The following PANK1 variants were observed in gnomAD, a reference collection of about 807,000 sequenced individuals.
PANK1 encodes pantothenate kinase 1.
Under a neutral mutation model 40.1 loss-of-function variants are expected in PANK1, and 18 were observed. The observed-to-expected ratio is 0.45, with a 90% CI of 0.31 to 0.67. PANK1 has a LOEUF of 0.67. Among genes scored for constraint, PANK1 ranks in the 30% least tolerant of loss-of-function variants. The pLI, the probability that PANK1 is intolerant of heterozygous loss-of-function variation, is 0.06. For synonymous variants in PANK1, 242 were observed against 237.7 expected (o/e 1.02, Z -0.17); for missense variants, 457 against 599.6 (o/e 0.76, Z 2.48).
intron 2 of PANK1, among the ~76,000 whole-genome samples, chr10:89,610,161 A>C (rs1589787125): frequency 1.3e-5 from 2 of 152,350 alleles, no homozygotes; most frequent in South Asian, 4.1e-4. Context: ...TCTCACCTCC[A>C]GAGGTCACTT....
At chr10:89,621,085 T>A (rs1160933732) in intron 1 of PANK1, among the ~76,000 whole-genome samples, 1 of 152,220 alleles carries the variant, frequency 6.6e-6, no homozygotes, top group Non-Finnish European at 1.5e-5. Context: ...GTGGATCATC[T>A]GAGGTCAGAA....
intron 2 of PANK1, among the ~76,000 whole-genome samples, 196 bp from the exon 3 acceptor site, chr10:89,599,701 C>T (rs1382897318): frequency 6.6e-6 from 1 of 152,194 alleles, no homozygotes; most frequent in East Asian, 1.9e-4. Flanking sequence ...TACCTGCCCA[C>T]AGTGCATGCT....
chr10:89,644,669 G>A lies in PANK1; in HGVS notation c.223C>T (p.Gln75Ter), dbSNP rs1422880623. Residue 75 changes from glutamine to a stop codon, truncating the protein, a stop_gained, in exon 1 of 7, where the codon CAG (glutamine) becomes TAG (stop). Transcript: ENST00000307534. LOFTEE classifies it high-confidence loss of function. ...PELQPQPLLPQHDSPAKKCRL... is the reference protein window; with the variant it reads ...PELQPQPLLP ...CATTTCTTGGCCGGGGAGTCATGCT[G>A]AGGGAGCAGTGGCTGCGGCTGCAGC... is the stretch of plus-strand genomic sequence containing the variant. The A allele has an allele frequency of 1.3e-6, 2 of 1,569,504 alleles. No individual in the cohort carries two copies. The highest frequency in any genetic ancestry group is 8.6e-7 in the Non-Finnish European group (1 of 1,164,056).
At chr10:89,591,257 TA>T (rs984959679) in intron 5 of PANK1, among the ~76,000 whole-genome samples, 2 of 151,572 alleles carry the variant, frequency 1.3e-5, no homozygotes, top group African/African-American at 2.4e-5. Context: ...AAAAAAACCC[TA>T]AAAAAAATGG....
At chr10:89,587,014 T>G (rs539275554) in intron 6 of PANK1, among the ~76,000 whole-genome samples, 5 of 152,090 alleles carry the variant, frequency 3.3e-5, no homozygotes, top group African/African-American at 1.2e-4. Context: ...TCCCAGCTAC[T>G]TGGGAGGCTG....
intron 1 of PANK1, among the ~76,000 whole-genome samples, chr10:89,622,231 C>T (rs1011541813): frequency 1.4e-4 from 22 of 152,134 alleles, no homozygotes; most frequent in Non-Finnish European, 2.6e-4. Context: ...TGTAAAGAAA[C>T]CCATAATTAT....
chr10:89,597,012 T>G (rs1329422990), intron 3 of PANK1, among the ~76,000 whole-genome samples: 1 of 152,196 alleles, frequency 6.6e-6, no homozygotes, highest in East Asian at 1.9e-4. Flanking sequence ...AACACTGAAA[T>G]AAACCATTTG....
intron 5 of PANK1, 59 bp downstream of exon 5, chr10:89,593,138 C>A (rs1844452258): frequency 1.3e-6 from 2 of 1,566,762 alleles, no homozygotes; most frequent in African/African-American, 2.7e-5. Flanking sequence ...AGGTGTTGCA[C>A]TGCCAAGATG....
intron 5 of PANK1, among the ~76,000 whole-genome samples, chr10:89,590,469 C>T (rs533736005): frequency 6.6e-6 from 1 of 152,150 alleles, no homozygotes; most frequent in African/African-American, 2.4e-5. Flanking sequence ...AAATTAGAAC[C>T]ACCTTTATGG....
At chr10:89,608,922 C>T (rs962470353) in intron 2 of PANK1, among the ~76,000 whole-genome samples, 2 of 152,236 alleles carry the variant, frequency 1.3e-5, no homozygotes, top group Admixed American at 1.3e-4. Context: ...CTAACACACT[C>T]TTTCTTTGCA....
At chr10:89,600,668 A>T (rs199697189) in intron 2 of PANK1, among the ~76,000 whole-genome samples, 1 of 152,196 alleles carries the variant, frequency 6.6e-6, no homozygotes, top group East Asian at 1.9e-4. Flanking sequence ...AAGGGGAATG[A>T]CCTGGCTGAG....
intron 1 of PANK1, among the ~76,000 whole-genome samples, chr10:89,641,732 A>AAAATAAAT (rs199852567): frequency 0.012 from 1,768 of 143,420 alleles, 34 homozygotes; most frequent in African/African-American, 0.043. Flanking sequence ...AATCCGTCTC[A>AAAATAAAT]AAATAAATAA....
intron 1 of PANK1, among the ~76,000 whole-genome samples, chr10:89,634,238 T>C (rs1841735805): frequency 6.6e-6 from 1 of 152,222 alleles, no homozygotes; most frequent in Admixed American, 6.5e-5. Flanking sequence ...AACGAATCTA[T>C]TGCTCTCTCT....
At chr10:89,585,444 T>A (rs1844168221) in intron 6 of PANK1, among the ~76,000 whole-genome samples, 1 of 152,166 alleles carries the variant, frequency 6.6e-6, no homozygotes, top group Admixed American at 6.5e-5. Context: ...AACTCAATAG[T>A]TATAACTGCA....
Position 89,629,528 on chromosome 10 carries a change from G to A in PANK1, c.292+15072C>T, listed in dbSNP as rs570234279. Among the ~76,000 whole-genome samples, 8 of 152,208 alleles carry A rather than the reference G, an allele frequency of 5.3e-5. No individual in the cohort carries two copies. The South Asian group carries it at 1.5e-3, about 28-fold the overall frequency. On this transcript the variant is annotated intron_variant, in intron 1 of 6. Coordinates refer to ENST00000307534, the MANE Select transcript of PANK1 (RefSeq NM_148977.3). ...GATTTTTTCAAATTCTTTAGCATTG[G>A]AACTTTTAAAAGTTCCATCTTAATT...
chr10:89,589,781 A>C (rs1844320496), intron 5 of PANK1, among the ~76,000 whole-genome samples: 1 of 151,726 alleles, frequency 6.6e-6, no homozygotes, highest in South Asian at 2.1e-4. Flanking sequence ...AAAAAAAAAC[A>C]AAAAACTAGC....
intron 1 of PANK1, among the ~76,000 whole-genome samples, chr10:89,621,474 G>A (rs11185809): frequency 0.15 from 23,003 of 152,174 alleles, 2,198 homozygotes; most frequent in East Asian, 0.45. Context: ...AGAGGTGGAA[G>A]GAACGTTAGG....
intron 3 of PANK1, among the ~76,000 whole-genome samples, chr10:89,598,942 A>G (rs1471655824): frequency 6.6e-6 from 1 of 152,220 alleles, no homozygotes; most frequent in Non-Finnish European, 1.5e-5. Flanking sequence ...GTATCCTTCC[A>G]TCTGAATTCT....
intron 1 of PANK1, among the ~76,000 whole-genome samples, chr10:89,615,223 C>T (rs973449761): frequency 1.3e-5 from 2 of 152,178 alleles, no homozygotes; most frequent in East Asian, 1.9e-4. Flanking sequence ...AAACAAGCTA[C>T]GTAAACCCCA....
Sources: gnomAD v4.1 joint callset for allele counts (sites outside exome capture counted in the v4.1 genomes callset) on GRCh38, gnomAD v4.1.1 for gene constraint, MANE v1.5 for transcripts, NCBI Gene and HGNC (gene_info 2026-07-23, HGNC 2026-07-21) for gene names.